The following CCSER2 variants were observed in gnomAD, a reference collection of about 807,000 sequenced individuals.
CCSER2 encodes coiled-coil serine rich protein 2, also known as serine-rich coiled-coil domain-containing protein 2.
CCSER2 carries 46 observed loss-of-function variants against 92.3 expected under a neutral mutation model. The ratio of observed to expected loss-of-function variants is 0.50; its 90% CI spans 0.39 to 0.64. CCSER2 has a LOEUF of 0.64. CCSER2 is among the 30% of genes least tolerant of loss of function. The pLI is 0.00. For missense variants in CCSER2, 1,244 were observed against 1,238.9 expected (o/e 1.00, Z -0.06); for synonymous variants, 433 against 431.4 (o/e 1.00, Z -0.04).
intron 9 of CCSER2, among the ~76,000 whole-genome samples, chr10:84,485,936 T>C (rs1369898074): frequency 1.3e-5 from 2 of 152,284 alleles, no homozygotes; most frequent in East Asian, 1.9e-4. Flanking sequence ...ATGTTCCCCT[T>C]CCTGTGTCCA....
intron 6 of CCSER2, among the ~76,000 whole-genome samples, chr10:84,458,750 T>C (rs927850491): frequency 1.3e-5 from 2 of 152,140 alleles, no homozygotes; most frequent in Admixed American, 1.3e-4. Flanking sequence ...CATATATACA[T>C]ACACATATAT....
chr10:84,448,348 G>C (rs1845058258), intron 6 of CCSER2, among the ~76,000 whole-genome samples: 1 of 152,004 alleles, frequency 6.6e-6, no homozygotes, highest in Non-Finnish European at 1.5e-5. Context: ...ACTTAAGTTT[G>C]ACTCTAATAT....
At chr10:84,364,354 T>TA (rs1845669250) in intron 1 of CCSER2, among the ~76,000 whole-genome samples, 1 of 152,240 alleles carries the variant, frequency 6.6e-6, no homozygotes, top group South Asian at 2.1e-4. Flanking sequence ...TCGTTGTAAA[T>TA]ATAGTCCATT....
intron 9 of CCSER2, among the ~76,000 whole-genome samples, chr10:84,503,920 AC>A (rs1302688201): frequency 7.2e-5 from 11 of 152,322 alleles, no homozygotes; most frequent in Admixed American, 7.2e-4. Flanking sequence ...TCTTTCTCTT[AC>A]AAATTTCAGG....
intron 9 of CCSER2, among the ~76,000 whole-genome samples, chr10:84,481,772 C>G (rs995117477): frequency 6.6e-6 from 1 of 151,856 alleles, no homozygotes; most frequent in Non-Finnish European, 1.5e-5. Flanking sequence ...CTTGGGAAAG[C>G]AATAATGTAG....
At chr10:84,466,059 A>T (rs116412457) in intron 7 of CCSER2, among the ~76,000 whole-genome samples, 1,795 of 152,252 alleles carry the variant, frequency 0.012, 36 homozygotes, top group African/African-American at 0.04. Context: ...ATTTTGTTAC[A>T]CAGTATTTAT....
chr10:84,380,690 T>G (rs1317493019), intron 3 of CCSER2, among the ~76,000 whole-genome samples: 1 of 146,034 alleles, frequency 6.8e-6, no homozygotes, highest in African/African-American at 2.5e-5. Flanking sequence ...TCTGTGTTCC[T>G]TTTCTTTTTT....
At chr10:84,387,552 A>C (rs571139369) in intron 3 of CCSER2, among the ~76,000 whole-genome samples, 50 of 151,246 alleles carry the variant, frequency 3.3e-4, no homozygotes, top group Non-Finnish European at 6.0e-4. Context: ...TTTTTGAGAC[A>C]GAGTCTGGCT....
chr10:84,514,140 A>C lies in CCSER2; in HGVS notation c.3017A>C (p.Lys1006Thr). The C allele has an allele frequency of 6.5e-7, 1 of 1,536,356 alleles. No individual in the cohort carries two copies. The highest frequency in any genetic ancestry group is 8.7e-7 in the Non-Finnish European group (1 of 1,146,966). ...CTAGAGCCTCAAAGCTTCCAGGCCA[A>C]GACAAGCATCCCAAGGCCACTAACA... ...PQLEPQSFQAKTSIPRPLTQR... is the reference protein window; with the variant it reads ...PQLEPQSFQATTSIPRPLTQR... The change falls in exon 10 of 10, where the codon AAG (lysine) becomes ACG (threonine). Residue 1006 changes from lysine (K) to threonine (T), a missense_variant. Transcript: ENST00000372088.
chr10:84,453,485 C>T (rs968429611), intron 6 of CCSER2, among the ~76,000 whole-genome samples: 3 of 152,270 alleles, frequency 2.0e-5, no homozygotes, highest in East Asian at 1.9e-4. Context: ...TCCTGTGAAC[C>T]GTAGTTTGTT....
chr10:84,366,740 G>C (rs938393998), intron 1 of CCSER2, among the ~76,000 whole-genome samples: 1 of 152,178 alleles, frequency 6.6e-6, no homozygotes, highest in African/African-American at 2.4e-5. Context: ...CTTGCTCCCT[G>C]TACAATGAGT....
chr10:84,349,383 C>G (rs1844734780), intron 1 of CCSER2, among the ~76,000 whole-genome samples: 1 of 152,142 alleles, frequency 6.6e-6, no homozygotes, highest in African/African-American at 2.4e-5. Flanking sequence ...TCTTGAAACC[C>G]ATCTATTGGC....
intron 1 of CCSER2, among the ~76,000 whole-genome samples, chr10:84,336,581 T>C (rs777665487): frequency 2.6e-5 from 4 of 152,220 alleles, no homozygotes; most frequent in Admixed American, 6.5e-5. Flanking sequence ...ATCCTGTGGC[T>C]GAAGCTTGCT....
chr10:84,400,953 G>A (rs1421764559), intron 3 of CCSER2, among the ~76,000 whole-genome samples: 1 of 152,152 alleles, frequency 6.6e-6, no homozygotes, highest in Non-Finnish European at 1.5e-5. Flanking sequence ...CGGGTGCCAT[G>A]TCTCACACCT....
chr10:84,407,987 A>G (rs778878140), intron 3 of CCSER2, among the ~76,000 whole-genome samples: 1 of 152,010 alleles, frequency 6.6e-6, no homozygotes, highest in African/African-American at 2.4e-5. Flanking sequence ...GGTGGCACTG[A>G]TATTTGTCAT....
In CCSER2 at chr10:84,517,211, A is replaced by T. The variant is rs1277558643; in HGVS notation, c.*2944A>T. The T allele has an allele frequency of 6.6e-6, 1 of 152,520 alleles. No individual in the cohort carries two copies. Among genetic ancestry groups the T allele is most frequent in the Admixed American group, 6.5e-5 (1 of 15,302 alleles). The allele number at this position is 152,520 out of a possible 1,614,324, so 9.4% of individuals were successfully genotyped here. A position where few individuals can be genotyped will look rare whatever the true frequency, so the allele number is the denominator to read the frequency against. On this transcript the variant is annotated 3_prime_UTR_variant, in exon 10 of 10. Coordinates refer to ENST00000372088, the MANE Select transcript of CCSER2 (RefSeq NM_001284240.2). ...TTAAGTTTCACATTCGTGAAAGAGGAAATTAGTAGAGTATTCAGACTTTGA... is the reference window on the plus strand; with the variant it reads ...TTAAGTTTCACATTCGTGAAAGAGGTAATTAGTAGAGTATTCAGACTTTGA...
At chr10:84,483,992 T>A (rs1462916810) in intron 9 of CCSER2, among the ~76,000 whole-genome samples, 1 of 115,224 alleles carries the variant, frequency 8.7e-6, no homozygotes, top group Non-Finnish European at 1.8e-5. Flanking sequence ...TATATATATA[T>A]ATATAATTTT....
rs1844558317 is a variant in CCSER2, at chr10:84,441,734, ATGTTTTTTTTTTTTTT to A, written c.2064+3029_2064+3044del. The stretch of plus-strand genomic sequence containing the variant: ...GGGAATAAAGTAGAAGACTGGGAAA[ATGTTTTTTTTTTTTTT>A]TTTTTTTTTTTTTTTTTTTTTTTTT... On this transcript the variant is annotated intron_variant, in intron 6 of 9. Coordinates refer to ENST00000372088, the MANE Select transcript of CCSER2 (RefSeq NM_001284240.2). Among the ~76,000 whole-genome samples the A allele has an allele frequency of 1.5e-4, 16 of 106,408 alleles. 1 individual carries two copies. The highest frequency in any genetic ancestry group is 2.4e-4 in the Non-Finnish European group (13 of 54,118). 69.8% of individuals were successfully genotyped at this position (106,408 alleles called of 152,430 possible). A position where few individuals can be genotyped will look rare whatever the true frequency, so the allele number is the denominator to read the frequency against.
At chr10:84,495,849 AT>A (rs1848420279) in intron 9 of CCSER2, among the ~76,000 whole-genome samples, 1 of 150,196 alleles carries the variant, frequency 6.7e-6, no homozygotes, top group South Asian at 2.1e-4. Context: ...CCTAACATGA[AT>A]TTCCTGTAAT....
Sources: gnomAD v4.1 joint callset for allele counts (sites outside exome capture counted in the v4.1 genomes callset) on GRCh38, gnomAD v4.1.1 for gene constraint, MANE v1.5 for transcripts, NCBI Gene and HGNC (gene_info 2026-07-23, HGNC 2026-07-21) for gene names.